BRINP3: variants seen among roughly 807,000 people sequenced by gnomAD.
BRINP3 encodes the protein BMP/retinoic acid-inducible neural-specific protein 3.
In BRINP3, 19 loss-of-function variants were observed where a neutral mutation model predicts 71.0. The observed-to-expected ratio is 0.27, with a 90% CI of 0.19 to 0.39. The LOEUF (loss-of-function observed/expected upper bound fraction) is 0.39, where lower values mean the gene tolerates loss of function less well. Among genes scored for constraint, BRINP3 ranks in the 10% least tolerant of loss-of-function variants. The pLI is 1.00. For missense variants in BRINP3, 959 were observed against 940.8 expected (o/e 1.02, Z -0.25); for synonymous variants, 380 against 337.7 (o/e 1.13, Z -1.37).
At chr1:190,390,204 CAT>C (rs1671166874) in intron 2 of BRINP3, among the ~76,000 whole-genome samples, 1 of 151,362 alleles carries the variant, frequency 6.6e-6, no homozygotes, top group Non-Finnish European at 1.5e-5. Flanking sequence ...CTACATTCAT[CAT>C]ATAAAAAAGG....
chr1:190,375,692 C>G (rs1243497314), intron 2 of BRINP3, among the ~76,000 whole-genome samples: 1 of 151,880 alleles, frequency 6.6e-6, no homozygotes, highest in South Asian at 2.1e-4. Flanking sequence ...GGCTGCTAAC[C>G]TAATTACAGT....
chr1:190,378,273 G>GA (rs201991483), intron 2 of BRINP3, among the ~76,000 whole-genome samples: 10 of 151,582 alleles, frequency 6.6e-5, no homozygotes, highest in East Asian at 3.9e-4. Flanking sequence ...ATCACTAACA[G>GA]AAAAAAAACA....
intron 6 of BRINP3, among the ~76,000 whole-genome samples, chr1:190,182,288 T>G (rs529786433): frequency 8.5e-5 from 13 of 152,208 alleles, no homozygotes; most frequent in African/African-American, 2.9e-4. Context: ...CCTCTTCATT[T>G]TCCTCTTCTT....
intron 7 of BRINP3, among the ~76,000 whole-genome samples, chr1:190,101,541 C>T (rs969660295): frequency 6.6e-6 from 1 of 152,036 alleles, no homozygotes; most frequent in Non-Finnish European, 1.5e-5. Flanking sequence ...TTCTTTCCTC[C>T]TTTATGCCTT....
Position 190,327,352 on chromosome 1 carries a change from GA to G in BRINP3, c.237-45603del, listed in dbSNP as rs796445574. Among the ~76,000 whole-genome samples, 676 of 77,400 alleles carry G rather than the reference GA, an allele frequency of 8.7e-3. 6 individuals carry two copies. Among genetic ancestry groups the G allele is most frequent in the African/African-American group, 0.026 (580 of 22,602 alleles). The allele number at this position is 77,400 out of a possible 152,430, so 50.8% of individuals were successfully genotyped here. A position where few individuals can be genotyped will look rare whatever the true frequency, so the allele number is the denominator to read the frequency against. On this transcript the variant is annotated intron_variant, in intron 2 of 7. Coordinates refer to ENST00000367462, the MANE Select transcript of BRINP3 (RefSeq NM_199051.3). ...AAAAAAAAAAAAAAAAAAAAAAAAG[GA>G]AAAAAAAAAAAGAAAGAAAGAAAAG...
chr1:190,207,688 G>C (rs1655630985), intron 6 of BRINP3, among the ~76,000 whole-genome samples: 1 of 152,018 alleles, frequency 6.6e-6, no homozygotes, highest in Non-Finnish European at 1.5e-5. Flanking sequence ...TTTAATAATT[G>C]CTATGAGTCA....
intron 2 of BRINP3, among the ~76,000 whole-genome samples, chr1:190,371,269 T>C (rs1444588092): frequency 1.3e-5 from 2 of 152,230 alleles, no homozygotes. Context: ...TTGCGGAGGC[T>C]TTCCTCTAAG....
At chr1:190,277,983 C>T (rs989857587) in intron 3 of BRINP3, among the ~76,000 whole-genome samples, 1 of 151,476 alleles carries the variant, frequency 6.6e-6, no homozygotes, top group African/African-American at 2.4e-5. Flanking sequence ...TTATTTTTCT[C>T]TATAGATAGA....
At chr1:190,212,177 T>C (rs1656044152) in intron 6 of BRINP3, among the ~76,000 whole-genome samples, 1 of 152,086 alleles carries the variant, frequency 6.6e-6, no homozygotes, top group African/African-American at 2.4e-5. Context: ...AGCATGATTG[T>C]CAAAAACCTT....
At chr1:190,172,077 G>C (rs1652063943) in intron 6 of BRINP3, among the ~76,000 whole-genome samples, 2 of 150,680 alleles carry the variant, frequency 1.3e-5, no homozygotes, top group Non-Finnish European at 1.5e-5. Context: ...CTCCAACTTG[G>C]TGACAGAGCA....
chr1:190,169,755 T>G (rs1176801598), intron 6 of BRINP3, among the ~76,000 whole-genome samples: 1 of 152,176 alleles, frequency 6.6e-6, no homozygotes, highest in African/African-American at 2.4e-5. Flanking sequence ...AATTATATAA[T>G]TACTATGAAA....
intron 7 of BRINP3, among the ~76,000 whole-genome samples, chr1:190,146,755 A>G (rs1421372776): frequency 1.3e-5 from 2 of 152,052 alleles, no homozygotes; most frequent in African/African-American, 2.4e-5. Context: ...ATCCTAGTCT[A>G]CTATCATTAT....
intron 1 of BRINP3, among the ~76,000 whole-genome samples, chr1:190,469,712 G>T (rs769044220): frequency 1.5e-4 from 23 of 150,752 alleles, no homozygotes; most frequent in Non-Finnish European, 2.2e-4. Context: ...ATTAATTTTT[G>T]TTCTATATTT....
intron 2 of BRINP3, among the ~76,000 whole-genome samples, chr1:190,341,105 T>C (rs142729503): frequency 2.0e-5 from 3 of 151,934 alleles, no homozygotes; most frequent in African/African-American, 7.2e-5. Context: ...ATGAAATCCG[T>C]GGTCCAGTCA....
chr1:190,432,407 G>A (rs1674159953), intron 2 of BRINP3, among the ~76,000 whole-genome samples: 1 of 152,112 alleles, frequency 6.6e-6, no homozygotes, highest in South Asian at 2.1e-4. Flanking sequence ...TCACCCTTGA[G>A]CCATTAAAGA....
intron 2 of BRINP3, among the ~76,000 whole-genome samples, chr1:190,322,130 A>G (rs1400160632): frequency 1.3e-5 from 2 of 152,026 alleles, no homozygotes; most frequent in Non-Finnish European, 2.9e-5. Flanking sequence ...ATAAACCAAG[A>G]GATTACATAT....
chr1:190,356,305 A>G (rs1668724101), intron 2 of BRINP3, among the ~76,000 whole-genome samples: 5 of 152,010 alleles, frequency 3.3e-5, no homozygotes, highest in Admixed American at 6.6e-5. Context: ...TAGTCTGGCT[A>G]TAATTAAATA....
intron 2 of BRINP3, among the ~76,000 whole-genome samples, chr1:190,317,639 GA>G (rs77033703): frequency 0.13 from 19,765 of 150,108 alleles, 1,675 homozygotes; most frequent in South Asian, 0.27. Flanking sequence ...AAGTCACATT[GA>G]AAAAAAAATC....
At chr1:190,210,421 A>G (rs1414360118) in intron 6 of BRINP3, among the ~76,000 whole-genome samples, 2 of 152,230 alleles carry the variant, frequency 1.3e-5, no homozygotes, top group Admixed American at 6.5e-5. Context: ...TTCAGATTAA[A>G]CTGAATCTTT....
Sources: gnomAD v4.1 joint callset for allele counts (sites outside exome capture counted in the v4.1 genomes callset) on GRCh38, gnomAD v4.1.1 for gene constraint, MANE v1.5 for transcripts, NCBI Gene and HGNC (gene_info 2026-07-23, HGNC 2026-07-21) for gene names.